The following VWC2 variants were observed in gnomAD, a reference collection of about 807,000 sequenced individuals.
VWC2 encodes brorin.
Under a neutral mutation model 29.8 loss-of-function variants are expected in VWC2, and 14 were observed. That is an observed-to-expected ratio of 0.47 (90% CI 0.31 to 0.74). The LOEUF is 0.74. VWC2 is among the 30% of genes least tolerant of loss of function. VWC2 has a pLI of 0.05. For missense variants in VWC2, 457 were observed against 459.8 expected (o/e 0.99, Z 0.05); for synonymous variants, 213 against 199.0 (o/e 1.07, Z -0.59).
chr7:49,837,369 A>T (rs1162437325), intron 3 of VWC2, among the ~76,000 whole-genome samples: 1 of 152,242 alleles, frequency 6.6e-6, no homozygotes, highest in Non-Finnish European at 1.5e-5. Context: ...ATGCAAGGAA[A>T]CCAATAACAA....
At chr7:49,876,195 G>A (rs1035898124) in intron 3 of VWC2, among the ~76,000 whole-genome samples, 2 of 152,166 alleles carry the variant, frequency 1.3e-5, no homozygotes, top group Non-Finnish European at 2.9e-5. Flanking sequence ...AGAGACACAG[G>A]TTGGGTAAAT....
intron 2 of VWC2, among the ~76,000 whole-genome samples, chr7:49,796,271 T>TA (rs1788588246): frequency 6.6e-6 from 1 of 152,250 alleles, no homozygotes; most frequent in Admixed American, 6.5e-5. Flanking sequence ...ATGAAACCAT[T>TA]ACAATTACTT....
intron 3 of VWC2, among the ~76,000 whole-genome samples, chr7:49,810,378 A>C (rs1195598746): frequency 6.6e-6 from 1 of 152,104 alleles, no homozygotes; most frequent in African/African-American, 2.4e-5. Flanking sequence ...AATATTGCTG[A>C]AAGAAATCAA....
rs1318684942 is a variant in VWC2 at position 49,920,239 on chromosome 7, C to T, written c.*8054C>T. On this transcript the variant is annotated 3_prime_UTR_variant, in exon 4 of 4. Coordinates refer to ENST00000340652, the MANE Select transcript of VWC2 (RefSeq NM_198570.5). ...ACTAAAAAACTCAAACATTTTAATA[C>T]ACGATGAATCCTTTTCTTAAGGAAA... The T allele has an allele frequency of 1.3e-5, 2 of 151,938 alleles. No individual in the cohort carries two copies. Among genetic ancestry groups the T allele is most frequent in the African/African-American group, 2.4e-5 (1 of 41,408 alleles). 9.4% of individuals were successfully genotyped at this position (151,938 alleles called of 1,614,324 possible). A position where few individuals can be genotyped will look rare whatever the true frequency, so the allele number is the denominator to read the frequency against.
chr7:49,910,847 C>T (rs551761977), intron 3 of VWC2, among the ~76,000 whole-genome samples: 85 of 152,306 alleles, frequency 5.6e-4, no homozygotes, highest in African/African-American at 1.9e-3. Flanking sequence ...GCATCCACAT[C>T]ACCTGAGAAC....
chr7:49,806,173 C>T (rs551747154), intron 3 of VWC2, among the ~76,000 whole-genome samples: 1 of 152,038 alleles, frequency 6.6e-6, no homozygotes, highest in South Asian at 2.1e-4. Context: ...GATAGGTGCA[C>T]AGCACCCATT....
chr7:49,811,898 A>T (rs1018129666), intron 3 of VWC2, among the ~76,000 whole-genome samples: 1 of 152,218 alleles, frequency 6.6e-6, no homozygotes, highest in Non-Finnish European at 1.5e-5. Flanking sequence ...TAGAATTATT[A>T]TTAATGGCCA....
rs1306881840 is a variant in VWC2 at position 49,918,416 on chromosome 7, A to G, written c.*6231A>G. The G allele has an allele frequency of 6.6e-6, 1 of 152,236 alleles. No homozygotes were observed. Among genetic ancestry groups the G allele is most frequent in the African/African-American group, 2.4e-5 (1 of 41,462 alleles). The allele number at this position is 152,236 out of a possible 1,614,324, so 9.4% of individuals were successfully genotyped here. A position where few individuals can be genotyped will look rare whatever the true frequency, so the allele number is the denominator to read the frequency against. On this transcript the variant is annotated 3_prime_UTR_variant, in exon 4 of 4. Transcript: ENST00000340652. ...AATAGCAACACTGATCCCTAATTCT[A>G]GAATATCAATCTTGATACTTGTCAA...
chr7:49,884,398 A>C (rs1405926476), intron 3 of VWC2, among the ~76,000 whole-genome samples: 4 of 152,312 alleles, frequency 2.6e-5, no homozygotes, highest in African/African-American at 9.6e-5. Context: ...ATAAAGTCTC[A>C]AATCTGTCTC....
rs1310155527 is a variant in VWC2, at chr7:49,919,226, G to A, written c.*7041G>A. The A allele has an allele frequency of 1.3e-5, 2 of 152,072 alleles. No individual in the cohort carries two copies. The highest frequency in any genetic ancestry group is 2.4e-5 in the African/African-American group (1 of 41,400). 9.4% of individuals were successfully genotyped at this position (152,072 alleles called of 1,614,324 possible). ...AATCGATTTATTCATTGCATTCTAT[G>A]TGTCAACTGCAATTTAGACCTGGGT... On this transcript the variant is annotated 3_prime_UTR_variant, in exon 4 of 4. Transcript: ENST00000340652.
chr7:49,881,132 TG>T (rs1791645548), intron 3 of VWC2, among the ~76,000 whole-genome samples: 3 of 152,162 alleles, frequency 2.0e-5, no homozygotes, highest in South Asian at 4.1e-4. Context: ...GGTTTGCGTT[TG>T]ACTTGTATTC....
intron 3 of VWC2, among the ~76,000 whole-genome samples, chr7:49,886,875 T>G (rs773857122): frequency 2.6e-5 from 4 of 152,212 alleles, no homozygotes; most frequent in Non-Finnish European, 5.9e-5. Flanking sequence ...ATGTTTCAAT[T>G]GTTGGACCTC....
At chr7:49,897,195 G>A (rs1458287376) in intron 3 of VWC2, among the ~76,000 whole-genome samples, 4 of 151,986 alleles carry the variant, frequency 2.6e-5, no homozygotes, top group Admixed American at 2.0e-4. Flanking sequence ...GCGCCCGGCC[G>A]GATTGATAAT....
At chr7:49,842,678 T>C (rs780775803) in intron 3 of VWC2, among the ~76,000 whole-genome samples, 1 of 152,220 alleles carries the variant, frequency 6.6e-6, no homozygotes, top group Non-Finnish European at 1.5e-5. Context: ...GGAATAAATA[T>C]GGGAGATAAT....
At chr7:49,868,732 C>T (rs376972313) in intron 3 of VWC2, among the ~76,000 whole-genome samples, 55 of 152,206 alleles carry the variant, frequency 3.6e-4, no homozygotes, top group African/African-American at 1.2e-3. Context: ...ATTCTCCTGC[C>T]TCAGCCTCCC....
At chr7:49,911,918 T>TACAGGCAC in intron 3 of VWC2, 116 bp from the exon 4 acceptor site, 1 of 222,948 alleles carries the variant, frequency 4.5e-6, no homozygotes, top group Non-Finnish European at 6.0e-6. Flanking sequence ...AACAAACAAA[T>TACAGGCAC]ACACGCACAC....
chr7:49,801,349 C>T (rs888708553), intron 2 of VWC2, among the ~76,000 whole-genome samples: 1 of 152,176 alleles, frequency 6.6e-6, no homozygotes, highest in African/African-American at 2.4e-5. Context: ...TCCATGTCCC[C>T]CATTTCCATG....
At chr7:49,877,199 T>C (rs1485500080) in intron 3 of VWC2, among the ~76,000 whole-genome samples, 1 of 151,938 alleles carries the variant, frequency 6.6e-6, no homozygotes, top group East Asian at 1.9e-4. Flanking sequence ...TAATGGCTCA[T>C]GCCTGTAATC....
intron 3 of VWC2, among the ~76,000 whole-genome samples, chr7:49,893,554 A>C (rs763781950): frequency 1.8e-4 from 27 of 152,180 alleles, no homozygotes; most frequent in Non-Finnish European, 3.1e-4. Flanking sequence ...ACATGTCCAC[A>C]TGAACAAATA....
Sources: gnomAD v4.1 joint callset for allele counts (sites outside exome capture counted in the v4.1 genomes callset) on GRCh38, gnomAD v4.1.1 for gene constraint, MANE v1.5 for transcripts, NCBI Gene and HGNC (gene_info 2026-07-23, HGNC 2026-07-21) for gene names.